DGKB: variants seen among roughly 807,000 people sequenced by gnomAD.
The protein encoded by DGKB is diacylglycerol kinase beta.
Under a neutral mutation model 114.3 loss-of-function variants are expected in DGKB, and 67 were observed. The observed-to-expected ratio is 0.59, with a 90% CI of 0.48 to 0.72. The LOEUF (loss-of-function observed/expected upper bound fraction) is 0.72, where lower values mean the gene tolerates loss of function less well. DGKB is among the 30% of genes least tolerant of loss of function. The pLI is 0.00. For synonymous variants in DGKB, 398 were observed against 323.1 expected (o/e 1.23, Z -2.49); for missense variants, 907 against 975.2 (o/e 0.93, Z 0.93).
intron 23 of DGKB, among the ~76,000 whole-genome samples, chr7:14,200,602 G>A (rs1204923593): frequency 6.6e-6 from 1 of 151,916 alleles, no homozygotes; most frequent in East Asian, 1.9e-4. Context: ...TACTACATAT[G>A]ATTTCTTTGC....
chr7:14,556,195 T>A (rs999639814), intron 20 of DGKB, among the ~76,000 whole-genome samples: 1 of 152,196 alleles, frequency 6.6e-6, no homozygotes, highest in Non-Finnish European at 1.5e-5. Context: ...TCCTCATATA[T>A]GCTGAGTGGT....
chr7:14,368,170 C>T (rs1324818947), intron 21 of DGKB, among the ~76,000 whole-genome samples: 1 of 150,934 alleles, frequency 6.6e-6, no homozygotes, highest in African/African-American at 2.4e-5. Flanking sequence ...ACCATCAAAA[C>T]CTTATACCAG....
At chr7:14,436,691 C>T (rs145688507) in intron 21 of DGKB, among the ~76,000 whole-genome samples, 4 of 152,120 alleles carry the variant, frequency 2.6e-5, no homozygotes, top group East Asian at 1.9e-4. Flanking sequence ...TTTTATTTCA[C>T]TCTTAGTGAT....
chr7:14,840,639 T>G (rs1847797456), intron 2 of DGKB, among the ~76,000 whole-genome samples: 1 of 151,760 alleles, frequency 6.6e-6, no homozygotes, highest in Admixed American at 6.6e-5. Context: ...CTCTTTCTTT[T>G]ACAACCTCTG....
At position 14,350,156 on chromosome 7, in the gene DGKB, G is replaced by A. The variant is rs185490337; in HGVS notation, c.1836-4765C>T. On this transcript the variant is annotated intron_variant, in intron 21 of 25. Transcript: ENST00000402815. ...TCCCATTTACCTGGAATTTTCATAC[G>A]AACTGTAATTTTGCTTCTTTTACGT... Among the ~76,000 whole-genome samples the A allele has an allele frequency of 2.7e-3, 417 of 152,182 alleles. 5 individuals carry two copies. The highest frequency in any genetic ancestry group is 9.4e-3 in the African/African-American group (389 of 41,526).
chr7:14,729,814 C>T (rs1248534930), intron 5 of DGKB, among the ~76,000 whole-genome samples: 1 of 152,074 alleles, frequency 6.6e-6, no homozygotes, highest in Non-Finnish European at 1.5e-5. Context: ...TTTTGCTTGA[C>T]TTTAAAGGAT....
chr7:14,545,773 T>C (rs1794189014), intron 20 of DGKB, among the ~76,000 whole-genome samples: 2 of 152,180 alleles, frequency 1.3e-5, no homozygotes, highest in African/African-American at 4.8e-5. Context: ...GTATACTGGG[T>C]GAGAAAGAGG....
intron 13 of DGKB, among the ~76,000 whole-genome samples, chr7:14,642,831 C>T (rs2128877388): frequency 6.6e-6 from 1 of 152,310 alleles, no homozygotes; most frequent in East Asian, 1.9e-4. Flanking sequence ...TTAAATCATT[C>T]ATGAATACAT....
intron 20 of DGKB, among the ~76,000 whole-genome samples, chr7:14,520,851 G>A (rs886914509): frequency 3.3e-5 from 5 of 152,020 alleles, no homozygotes. Context: ...TGGAATATTT[G>A]TCATTTTTTA....
At chr7:14,756,435 A>G (rs1834878317) in intron 3 of DGKB, among the ~76,000 whole-genome samples, 1 of 151,896 alleles carries the variant, frequency 6.6e-6, no homozygotes, top group South Asian at 2.1e-4. Context: ...TTTTTCTAAT[A>G]CAGAAAAAGG....
chr7:14,777,128 C>G (rs966238255), intron 2 of DGKB, among the ~76,000 whole-genome samples: 1 of 152,070 alleles, frequency 6.6e-6, no homozygotes, highest in Non-Finnish European at 1.5e-5. Context: ...TGGCCAATTT[C>G]TTCTATTTGG....
intron 17 of DGKB, 34 bp from the exon 18 acceptor site, chr7:14,583,171 T>G: frequency 1.5e-6 from 2 of 1,327,458 alleles, no homozygotes; most frequent in African/African-American, 1.5e-5. Context: ...ACATGATTAA[T>G]AGTTTAAAAA....
At chr7:14,782,289 G>A (rs1035755367) in intron 2 of DGKB, among the ~76,000 whole-genome samples, 11 of 152,094 alleles carry the variant, frequency 7.2e-5, no homozygotes, top group Admixed American at 7.2e-4. Context: ...GCCTCTCAAA[G>A]TGCTGGGATT....
intron 1 of DGKB, among the ~76,000 whole-genome samples, chr7:14,917,168 A>T (rs1784282393): frequency 6.6e-6 from 1 of 152,062 alleles, no homozygotes; most frequent in Non-Finnish European, 1.5e-5. Context: ...ACTGATTGAT[A>T]TATTATAAAA....
At chr7:14,456,266 T>C (rs1832273275) in intron 21 of DGKB, among the ~76,000 whole-genome samples, 1 of 151,960 alleles carries the variant, frequency 6.6e-6, no homozygotes, top group African/African-American at 2.4e-5. Context: ...TATAAAAAAG[T>C]CTGAAATCTG....
intron 21 of DGKB, among the ~76,000 whole-genome samples, chr7:14,373,837 C>CTTTCATTTTTTCATT (rs1020007441): frequency 6.6e-6 from 1 of 152,138 alleles, no homozygotes; most frequent in African/African-American, 2.4e-5. Context: ...TGGGCCCGTG[C>CTTTCATTTTTTCATT]TTTCATTTTT....
chr7:14,970,612 C>T (rs1024671601), intron 1 of DGKB, among the ~76,000 whole-genome samples: 1 of 151,986 alleles, frequency 6.6e-6, no homozygotes, highest in African/African-American at 2.4e-5. Context: ...CCTCAGAATG[C>T]TCCCGTGTCA....
At chr7:14,793,893 C>G (rs1044424509) in intron 2 of DGKB, among the ~76,000 whole-genome samples, 2 of 152,070 alleles carry the variant, frequency 1.3e-5, no homozygotes, top group African/African-American at 2.4e-5. Context: ...ACCCAATCCA[C>G]TGAGGGCCTG....
intron 23 of DGKB, among the ~76,000 whole-genome samples, chr7:14,200,470 G>A (rs1312606020): frequency 1.3e-5 from 2 of 151,996 alleles, no homozygotes; most frequent in Non-Finnish European, 2.9e-5. Context: ...TTTTACACAG[G>A]TGTTATGAAT....
Sources: allele counts gnomAD v4.1 joint callset (sites outside exome capture counted in the v4.1 genomes callset), GRCh38; gene constraint gnomAD v4.1.1; transcripts MANE v1.5; gene names NCBI Gene and HGNC (gene_info 2026-07-23, HGNC 2026-07-21).